ARHGEF3: variants seen among roughly 807,000 people sequenced by gnomAD.
ARHGEF3 encodes 59.8 kDA protein.
ARHGEF3 carries 28 observed loss-of-function variants against 63.2 expected under a neutral mutation model. The ratio of observed to expected loss-of-function variants is 0.44; its 90% CI spans 0.33 to 0.61. The LOEUF (loss-of-function observed/expected upper bound fraction) is 0.61, where lower values mean the gene tolerates loss of function less well. ARHGEF3 is among the 20% of genes least tolerant of loss of function. ARHGEF3 has a pLI of 0.03. For synonymous variants in ARHGEF3, 266 were observed against 254.2 expected, an observed-to-expected ratio of 1.05 and a Z score of -0.44; for missense variants, 533 against 659.3, an observed-to-expected ratio of 0.81 and a Z score of 2.10.
intron 1 of ARHGEF3, chr3:57,073,735 A>G (rs1351595249): frequency 6.2e-7 from 1 of 1,614,154 alleles, no homozygotes; most frequent in Admixed American, 1.7e-5. Context: ...ACCTTAGAAA[A>G]GTCAGGAGAC....
At chr3:56,814,936 C>G (rs553690106) in intron 4 of ARHGEF3, among the ~76,000 whole-genome samples, 2 of 152,070 alleles carry the variant, frequency 1.3e-5, no homozygotes, top group East Asian at 1.9e-4. Flanking sequence ...TGAGACTAGC[C>G]TGGGCCACAA....
intron 2 of ARHGEF3, among the ~76,000 whole-genome samples, chr3:56,999,618 C>G (rs1470873366): frequency 1.3e-5 from 2 of 152,176 alleles, no homozygotes; most frequent in Non-Finnish European, 2.9e-5. Flanking sequence ...TCAGCTTGGG[C>G]AATATAGCCA....
intron 1 of ARHGEF3, among the ~76,000 whole-genome samples, chr3:56,799,855 A>G (rs889758440): frequency 1.5e-4 from 23 of 152,364 alleles, no homozygotes; most frequent in African/African-American, 5.3e-4. Context: ...TAGTGTTTAA[A>G]TCAAACACTA....
rs1212953222 is a variant in ARHGEF3, at chr3:56,755,163, G to A, written c.205-12C>T. 4 of 1,611,344 alleles carry A rather than the reference G, an allele frequency of 2.5e-6. No individual in the cohort carries two copies. The highest frequency in any genetic ancestry group is 3.4e-6 in the Non-Finnish European group (4 of 1,179,626). On this transcript the variant is annotated splice_polypyrimidine_tract_variant and intron_variant, in intron 2 of 9. Transcript: ENST00000296315. The stretch of plus-strand genomic sequence containing the variant: ...AAGCTAATGGAGCGCTAAACAATGA[G>A]AAAAACAAACCATCACGGGGGCAGC...
In ARHGEF3 at chr3:56,729,115, G is replaced by A; in HGVS notation, c.*155C>T. ...TTACACAGACAGATTGGCAGTTACA[G>A]TACTAGGGACAAAGGTACAGATACG... On this transcript the variant is annotated 3_prime_UTR_variant, in exon 10 of 10. Transcript: ENST00000296315. 1 of 653,580 alleles carries A rather than the reference G, an allele frequency of 1.5e-6. No homozygotes were observed. Among genetic ancestry groups the A allele is most frequent in the Non-Finnish European group, 2.6e-6 (1 of 387,056 alleles). 40.5% of individuals were successfully genotyped at this position (653,580 alleles called of 1,614,324 possible). A position where few individuals can be genotyped will look rare whatever the true frequency, so the allele number is the denominator to read the frequency against.
chr3:56,968,360 A>G (rs1700759520), intron 2 of ARHGEF3, among the ~76,000 whole-genome samples: 1 of 84,110 alleles, frequency 1.2e-5, no homozygotes, highest in Non-Finnish European at 2.5e-5. Context: ...ATTTTTTGAG[A>G]CATGGTCTTA....
chr3:57,039,104 C>T (rs558711381), intron 1 of ARHGEF3, among the ~76,000 whole-genome samples: 2 of 152,298 alleles, frequency 1.3e-5, no homozygotes, highest in Admixed American at 6.5e-5. Context: ...ATCCCAGTCA[C>T]CTGCATGGAA....
At chr3:56,808,140 A>T (rs1325954756) in intron 4 of ARHGEF3, among the ~76,000 whole-genome samples, 2 of 148,596 alleles carry the variant, frequency 1.3e-5, no homozygotes, top group African/African-American at 5.0e-5. Flanking sequence ...AAAAAAAAAA[A>T]GTATCCCCGG....
At chr3:56,783,060 G>C (rs2036633933) in intron 1 of ARHGEF3, among the ~76,000 whole-genome samples, 1 of 152,124 alleles carries the variant, frequency 6.6e-6, no homozygotes, top group Admixed American at 6.5e-5. Flanking sequence ...GGGGAGCCTT[G>C]AATAAGGGAG....
Position 56,732,422 on chromosome 3 carries a change from T to C in ARHGEF3, c.1044A>G (p.Lys348=). Residue 348 remains lysine, a splice_region_variant and synonymous_variant, in exon 9 of 10, where the codon AAA becomes AAG. Coordinates refer to ENST00000296315, the MANE Select transcript of ARHGEF3 (RefSeq NM_019555.3). ...HGELKNNRGV[K]LHVFLFQEVL... is the part of the protein sequence containing the mutation. Reference sequence around the variant, plus strand: ...CTTCTTGGAACAGGAAAACATGCAGTTTCTAGAAGAAAAAAATCCACAAGC... The same window carrying C: ...CTTCTTGGAACAGGAAAACATGCAGCTTCTAGAAGAAAAAAATCCACAAGC... 2 of 1,614,080 alleles carry C rather than the reference T, an allele frequency of 1.2e-6. No homozygotes were observed. Among genetic ancestry groups the C allele is most frequent in the Middle Eastern group, 1.6e-4 (1 of 6,062 alleles).
intron 3 of ARHGEF3, among the ~76,000 whole-genome samples, chr3:56,919,712 T>C (rs926668711): frequency 3.9e-5 from 6 of 152,236 alleles, no homozygotes; most frequent in African/African-American, 1.4e-4. Flanking sequence ...GGATTTTTTA[T>C]GTTTTAATAT....
chr3:56,926,694 A>G (rs1226568167), intron 3 of ARHGEF3, among the ~76,000 whole-genome samples: 1 of 152,250 alleles, frequency 6.6e-6, no homozygotes, highest in East Asian at 1.9e-4. Flanking sequence ...AAAACAAGGA[A>G]TTCCCCAGCT....
chr3:56,833,918 T>TCCC (rs10632077), intron 4 of ARHGEF3, among the ~76,000 whole-genome samples: 3 of 148,554 alleles, frequency 2.0e-5, no homozygotes, highest in African/African-American at 7.6e-5. Context: ...TTCTTTGTTT[T>TCCC]CCCCCCCCAA....
intron 1 of ARHGEF3, among the ~76,000 whole-genome samples, chr3:57,071,395 C>T (rs1170015872): frequency 1.3e-5 from 2 of 152,154 alleles, no homozygotes; most frequent in Non-Finnish European, 2.9e-5. Flanking sequence ...GGCGTGGTGG[C>T]TCATGCCTGT....
At chr3:56,774,063 G>C (rs1193493424) in intron 1 of ARHGEF3, among the ~76,000 whole-genome samples, 1 of 152,124 alleles carries the variant, frequency 6.6e-6, no homozygotes, top group Non-Finnish European at 1.5e-5. Context: ...GCAGGGATCT[G>C]CTCCTTATCC....
At chr3:56,833,920 C>CG (rs994280976) in intron 4 of ARHGEF3, among the ~76,000 whole-genome samples, 1 of 148,782 alleles carries the variant, frequency 6.7e-6, no homozygotes, top group Non-Finnish European at 1.5e-5. Flanking sequence ...CTTTGTTTTC[C>CG]CCCCCCAATT....
intron 3 of ARHGEF3, among the ~76,000 whole-genome samples, chr3:56,955,565 C>T (rs1345350004): frequency 2.0e-5 from 3 of 152,158 alleles, no homozygotes; most frequent in African/African-American, 4.8e-5. Flanking sequence ...TGGCTTTCTC[C>T]GACACATACA....
intron 2 of ARHGEF3, among the ~76,000 whole-genome samples, chr3:56,986,426 A>G (rs1701539757): frequency 6.6e-6 from 1 of 152,208 alleles, no homozygotes; most frequent in South Asian, 2.1e-4. Context: ...TGTAGACAGA[A>G]AGGTTTGGCA....
At chr3:56,782,856 G>T (rs955013271) in intron 1 of ARHGEF3, among the ~76,000 whole-genome samples, 2 of 152,124 alleles carry the variant, frequency 1.3e-5, no homozygotes, top group Non-Finnish European at 2.9e-5. Context: ...GAGAGAAGTC[G>T]CAAGAGAGTC....
Sources: allele counts gnomAD v4.1 joint callset (sites outside exome capture counted in the v4.1 genomes callset), GRCh38; gene constraint gnomAD v4.1.1; transcripts MANE v1.5; gene names NCBI Gene and HGNC (gene_info 2026-07-23, HGNC 2026-07-21).